The following FYN variants were observed in gnomAD, a reference collection of about 807,000 sequenced individuals.
FYN encodes FYN proto-oncogene, Src family tyrosine kinase.
Under a neutral mutation model 70.2 loss-of-function variants are expected in FYN, and 10 were observed. The observed-to-expected ratio is 0.14, with a 90% confidence interval of 0.09 to 0.24. The LOEUF is 0.24. Among genes scored for constraint, FYN ranks in the 10% least tolerant of loss-of-function variants. The pLI is 1.00. For missense variants in FYN, 319 were observed against 673.1 expected (o/e 0.47, Z 5.82); for synonymous variants, 236 against 248.6 (o/e 0.95, Z 0.48).
intron 2 of FYN, among the ~76,000 whole-genome samples, chr6:111,796,043 G>C (rs1222426943): frequency 6.6e-6 from 1 of 152,122 alleles, no homozygotes; most frequent in Non-Finnish European, 1.5e-5. Flanking sequence ...TAACCCAATG[G>C]CTTAGACTCT....
chr6:111,759,695 T>G (rs1485093726), intron 3 of FYN: 1 of 152,254 alleles, frequency 6.6e-6, no homozygotes, highest in Non-Finnish European at 1.5e-5. Flanking sequence ...GTGCCTTCTG[T>G]GTGCCAGGCA....
At chr6:111,695,092 A>C (rs1799515706) in intron 10 of FYN, among the ~76,000 whole-genome samples, 1 of 152,224 alleles carries the variant, frequency 6.6e-6, no homozygotes, top group Non-Finnish European at 1.5e-5. Flanking sequence ...TGAGTGGTCC[A>C]AAACTGTGGT....
chr6:111,871,502 C>T (rs905435018), intron 1 of FYN, among the ~76,000 whole-genome samples: 1 of 152,182 alleles, frequency 6.6e-6, no homozygotes, highest in Non-Finnish European at 1.5e-5. Flanking sequence ...TAACTCTAGA[C>T]CGTTTTATCC....
At chr6:111,829,145 T>C (rs531043777) in intron 2 of FYN, among the ~76,000 whole-genome samples, 179 of 152,350 alleles carry the variant, frequency 1.2e-3, no homozygotes, top group Non-Finnish European at 2.1e-3. Flanking sequence ...TCCTATTTTT[T>C]ACATTTACAT....
At chr6:111,820,761 T>G (rs866935872) in intron 2 of FYN, among the ~76,000 whole-genome samples, 2 of 151,896 alleles carry the variant, frequency 1.3e-5, no homozygotes. Context: ...AAAAATGATA[T>G]AAGCACTGGA....
chr6:111,829,079 C>T (rs1772928448), intron 2 of FYN, among the ~76,000 whole-genome samples: 1 of 152,234 alleles, frequency 6.6e-6, no homozygotes, highest in South Asian at 2.1e-4. Context: ...CAATGTGCTT[C>T]AGAACATGCT....
intron 12 of FYN, among the ~76,000 whole-genome samples, chr6:111,691,870 G>C (rs1799333471): frequency 6.6e-6 from 1 of 152,226 alleles, no homozygotes; most frequent in Admixed American, 6.5e-5. Flanking sequence ...GCCATTTCTG[G>C]ATTCAAATCC....
At chr6:111,864,100 A>G (rs142667717) in intron 1 of FYN, among the ~76,000 whole-genome samples, 5 of 152,168 alleles carry the variant, frequency 3.3e-5, no homozygotes, top group Admixed American at 6.5e-5. Context: ...TTATTATGCG[A>G]TAAGACCTGG....
intron 3 of FYN, chr6:111,758,715 T>C (rs947488991): frequency 6.6e-6 from 1 of 152,322 alleles, no homozygotes; most frequent in Non-Finnish European, 1.5e-5. Flanking sequence ...CCCAACAAGA[T>C]GTTTCCTTCC....
At position 111,819,648 on chromosome 6, in the gene FYN, T is replaced by C. The variant is rs995133659; in HGVS notation, c.-82+26941A>G. 2.9e-4 allele frequency among the ~76,000 whole-genome samples: 44 copies of C among 152,290 alleles called. 1 individual carries two copies. Among genetic ancestry groups the C allele is most frequent in the African/African-American group, 1.1e-3 (44 of 41,556 alleles). On this transcript the variant is annotated intron_variant, in intron 2 of 13. Coordinates refer to ENST00000354650, the MANE Select transcript of FYN (RefSeq NM_002037.5). Reference sequence around the variant, plus strand: ...TACAGACGCATAGACTGTAAAGGTCTTTGTGTAGTTTCTACTTTCCTGTTT... The same window carrying C: ...TACAGACGCATAGACTGTAAAGGTCCTTGTGTAGTTTCTACTTTCCTGTTT...
At chr6:111,699,998 A>C in intron 9 of FYN, 106 bp downstream of exon 9, 1 of 1,000,106 alleles carries the variant, frequency 1.0e-6, no homozygotes, top group African/African-American at 1.6e-5. Context: ...TTAGTAATTC[A>C]AACTTTCTTC....
At chr6:111,716,304 A>G (rs1488720427) in intron 4 of FYN, among the ~76,000 whole-genome samples, 1 of 152,220 alleles carries the variant, frequency 6.6e-6, no homozygotes, top group Non-Finnish European at 1.5e-5. Flanking sequence ...AATGTCAGTG[A>G]CATTTCATAG....
rs1323504386 is a variant in FYN at position 111,661,656 on chromosome 6, G to T, written c.*83C>A. On this transcript the variant is annotated 3_prime_UTR_variant, in exon 14 of 14. Transcript: ENST00000354650. This position sits in a 1 kb window ranked among gnomAD's most constrained non-coding sequence, Gnocchi z 4.0. The stretch of plus-strand genomic sequence containing the variant: ...GATCCTGGGCGGTTCCGCTGCTGGG[G>T]AGCAGCTGGCTACGGAATTGAAAGC... The T allele has an allele frequency of 2.0e-5, 27 of 1,324,274 alleles. No homozygotes were observed. The highest frequency in any genetic ancestry group is 2.6e-5 in the Non-Finnish European group (25 of 947,460). 82.0% of individuals were successfully genotyped at this position (1,324,274 alleles called of 1,614,324 possible). A position where few individuals can be genotyped will look rare whatever the true frequency, so the allele number is the denominator to read the frequency against.
intron 2 of FYN, among the ~76,000 whole-genome samples, chr6:111,822,834 A>G (rs1338486362): frequency 2.0e-5 from 3 of 152,160 alleles, no homozygotes; most frequent in Non-Finnish European, 4.4e-5. Context: ...GAGGGAATGC[A>G]TGTCAACCAC....
intron 12 of FYN, among the ~76,000 whole-genome samples, chr6:111,685,090 G>A (rs981558403): frequency 1.4e-4 from 22 of 152,334 alleles, no homozygotes; most frequent in African/African-American, 5.1e-4. Flanking sequence ...CGCTATGTTT[G>A]CGGACTTTCA....
At chr6:111,757,545 G>C (rs1317350042) in intron 3 of FYN, among the ~76,000 whole-genome samples, 2 of 152,116 alleles carry the variant, frequency 1.3e-5, no homozygotes, top group Non-Finnish European at 2.9e-5. Flanking sequence ...CTGCCTAAAA[G>C]GAAAAATATG....
intron 10 of FYN, 55 bp downstream of exon 10, chr6:111,696,222 C>A: frequency 2.1e-6 from 3 of 1,423,452 alleles, no homozygotes; most frequent in African/African-American, 1.4e-5. Flanking sequence ...ATTTCTCTCC[C>A]CTAAACAACC....
chr6:111,706,887 AAC>A (rs1800115829), intron 6 of FYN, among the ~76,000 whole-genome samples: 1 of 152,210 alleles, frequency 6.6e-6, no homozygotes, highest in Non-Finnish European at 1.5e-5. Context: ...CTGATGACGA[AAC>A]ACAGTCACTA....
At chr6:111,856,699 T>G (rs1005012535) in intron 1 of FYN, among the ~76,000 whole-genome samples, 3 of 152,192 alleles carry the variant, frequency 2.0e-5, no homozygotes, top group Non-Finnish European at 4.4e-5. Flanking sequence ...TCTTTTCAAT[T>G]TAAATTATGT....
Sources: gnomAD v4.1 joint callset for allele counts (sites outside exome capture counted in the v4.1 genomes callset) on GRCh38, gnomAD v4.1.1 for gene constraint, Gnocchi (gnomAD v3.1) non-coding constraint, MANE v1.5 for transcripts, NCBI Gene and HGNC (gene_info 2026-07-23, HGNC 2026-07-21) for gene names.